UBE3D: variants seen among roughly 807,000 people sequenced by gnomAD.
UBE3D encodes the protein ubiquitin protein ligase E3D, also known as E3 ubiquitin-protein ligase E3D.
UBE3D carries 48 observed loss-of-function variants against 49.6 expected under a neutral mutation model. The ratio of observed to expected loss-of-function variants is 0.97; its 90% CI spans 0.77 to 1.23. The LOEUF is 1.23. Ranked by LOEUF, UBE3D falls within the 50% of genes most tolerant of loss-of-function variation. UBE3D has a pLI of 0.00. For missense variants in UBE3D, 452 were observed against 468.4 expected (o/e 0.96, Z 0.32); for synonymous variants, 189 against 174.2 (o/e 1.08, Z -0.67).
intron 3 of UBE3D, among the ~76,000 whole-genome samples, chr6:83,046,944 G>A (rs911712131): frequency 1.3e-5 from 2 of 152,148 alleles, no homozygotes; most frequent in Non-Finnish European, 2.9e-5. Flanking sequence ...GCAGTGAAAG[G>A]AATTAAGGGC....
At chr6:82,982,421 T>C (rs1293822191) in intron 8 of UBE3D, among the ~76,000 whole-genome samples, 2 of 152,220 alleles carry the variant, frequency 1.3e-5, no homozygotes, top group Admixed American at 1.3e-4. Flanking sequence ...TATTAATTGG[T>C]TGGTAAAGCC....
In UBE3D at chr6:82,979,430, G is replaced by A. The variant is rs114156329; in HGVS notation, c.1011-21980C>T. 8.8e-3 allele frequency among the ~76,000 whole-genome samples: 1,344 copies of A among 152,072 alleles called. 19 individuals carry two copies. The highest frequency in any genetic ancestry group is 0.031 in the African/African-American group (1,274 of 41,484). ...CCTAACATGTGGCTCTCTGGTCTTC[G>A]TTTGAAAAACTCCAATAACAGGGAA... is the stretch of plus-strand genomic sequence containing the variant. On this transcript the variant is annotated intron_variant, in intron 8 of 9. Transcript: ENST00000369747.
At chr6:82,940,883 G>A (rs1343095473) in intron 9 of UBE3D, among the ~76,000 whole-genome samples, 1 of 152,168 alleles carries the variant, frequency 6.6e-6, no homozygotes, top group African/African-American at 2.4e-5. Context: ...ATTTGTGTGT[G>A]CGTGTATAAG....
chr6:83,023,880 A>G, intron 6 of UBE3D, 89 bp downstream of exon 6: 12 of 847,572 alleles, frequency 1.4e-5, no homozygotes, highest in Non-Finnish European at 1.8e-6. Context: ...AAAATAAAAA[A>G]TAAATTCAAA....
At chr6:83,010,978 C>T (rs903921615) in intron 8 of UBE3D, among the ~76,000 whole-genome samples, 4 of 152,154 alleles carry the variant, frequency 2.6e-5, no homozygotes, top group African/African-American at 7.2e-5. Context: ...CATCACAAGT[C>T]GACCCCTTGT....
At chr6:82,984,299 T>C (rs1229531859) in intron 8 of UBE3D, among the ~76,000 whole-genome samples, 1 of 152,198 alleles carries the variant, frequency 6.6e-6, no homozygotes, top group African/African-American at 2.4e-5. Flanking sequence ...ACCCTATTGA[T>C]GAACATTTGG....
chr6:83,051,124 T>C (rs1562229456), intron 3 of UBE3D, among the ~76,000 whole-genome samples: 1 of 152,234 alleles, frequency 6.6e-6, no homozygotes, highest in Non-Finnish European at 1.5e-5. Flanking sequence ...TTGTCGAGCA[T>C]TAACTATTAC....
At chr6:82,903,006 T>C (rs1386534669) in intron 9 of UBE3D, among the ~76,000 whole-genome samples, 2 of 152,208 alleles carry the variant, frequency 1.3e-5, no homozygotes, top group Non-Finnish European at 2.9e-5. Flanking sequence ...TGAGTAGATC[T>C]CTGTCTCTGA....
chr6:82,887,220 G>C, the UBE3D span, among the ~76,000 whole-genome samples: 1 of 150,874 alleles, frequency 6.6e-6, no homozygotes, highest in African/African-American at 2.4e-5. Context: ...TTGGGAGGCT[G>C]AGGCAGGAGA....
chr6:82,973,243 C>T (rs1777478207), intron 8 of UBE3D, among the ~76,000 whole-genome samples: 1 of 152,110 alleles, frequency 6.6e-6, no homozygotes, highest in South Asian at 2.1e-4. Context: ...GATTTGTATG[C>T]ACCTAGATAA....
In UBE3D at chr6:83,024,035, G is replaced by A; in HGVS notation, c.671C>T (p.Thr224Ile). 6.6e-7 allele frequency: 1 copy of A among 1,515,070 alleles called. No individual in the cohort carries two copies. Among genetic ancestry groups the A allele is most frequent in the Non-Finnish European group, 8.8e-7 (1 of 1,135,200 alleles). 93.9% of individuals were successfully genotyped at this position (1,515,070 alleles called of 1,614,324 possible). A position where few individuals can be genotyped will look rare whatever the true frequency, so the allele number is the denominator to read the frequency against. The change falls in exon 6 of 10, where the codon ACC becomes ATC. Residue 224 changes from threonine to isoleucine, a missense_variant. Physicochemically the swap from Thr to Ile is moderately conservative, Grantham distance 89. Coordinates refer to ENST00000369747, the MANE Select transcript of UBE3D (RefSeq NM_198920.3). ...VMLGETVSSE[T>I]TKFYMTEIII... ...TATCTCTGTCATATAAAACTTGGTG[G>A]TTTCTAGAAACAAAAAAGAAAATTA...
At chr6:83,006,574 C>T (rs182687610) in intron 8 of UBE3D, among the ~76,000 whole-genome samples, 9 of 152,236 alleles carry the variant, frequency 5.9e-5, no homozygotes, top group Middle Eastern at 3.4e-3. Flanking sequence ...ACAGCCCTCA[C>T]GAGAAACCAA....
At chr6:82,940,419 A>G (rs1774924582) in intron 9 of UBE3D, among the ~76,000 whole-genome samples, 1 of 152,236 alleles carries the variant, frequency 6.6e-6, no homozygotes, top group Non-Finnish European at 1.5e-5. Context: ...GTTCCTAAAT[A>G]CAATGACCAG....
intron 8 of UBE3D, among the ~76,000 whole-genome samples, chr6:82,968,949 C>A (rs1777144688): frequency 6.6e-6 from 1 of 152,074 alleles, no homozygotes; most frequent in Non-Finnish European, 1.5e-5. Flanking sequence ...ATTATTAGGC[C>A]TTTTCTCATC....
chr6:82,992,501 G>A (rs2127733968), intron 8 of UBE3D, among the ~76,000 whole-genome samples: 1 of 152,304 alleles, frequency 6.6e-6, no homozygotes, highest in South Asian at 2.1e-4. Flanking sequence ...GGGATTACAG[G>A]CGTGAGCCAC....
At chr6:82,914,793 T>C (rs929839851) in intron 9 of UBE3D, among the ~76,000 whole-genome samples, 2 of 152,194 alleles carry the variant, frequency 1.3e-5, no homozygotes, top group African/African-American at 4.8e-5. Context: ...ACGATACCTT[T>C]TGCTTCCCAA....
At chr6:83,039,587 G>T (rs1166941734) in intron 4 of UBE3D, among the ~76,000 whole-genome samples, 3 of 152,070 alleles carry the variant, frequency 2.0e-5, no homozygotes, top group Non-Finnish European at 4.4e-5. Flanking sequence ...CCATTAGTGG[G>T]AACCAATTCA....
intron 8 of UBE3D, chr6:83,018,408 T>G (rs1780843106): frequency 6.6e-6 from 1 of 152,334 alleles, no homozygotes; most frequent in South Asian, 2.1e-4. Context: ...GCCAACTACC[T>G]TACCTTGCTT....
intron 8 of UBE3D, among the ~76,000 whole-genome samples, chr6:82,993,466 G>A (rs1335453140): frequency 6.6e-6 from 1 of 152,150 alleles, no homozygotes; most frequent in African/African-American, 2.4e-5. Flanking sequence ...ATGTAAAAAT[G>A]ACATAGTATT....
Sources: gnomAD v4.1 joint callset for allele counts (sites outside exome capture counted in the v4.1 genomes callset) on GRCh38, gnomAD v4.1.1 for gene constraint, MANE v1.5 for transcripts, NCBI Gene and HGNC (gene_info 2026-07-23, HGNC 2026-07-21) for gene names.